SH3TC2: variants seen among roughly 807,000 people sequenced by gnomAD.
SH3TC2 encodes SH3 domain and tetratricopeptide repeats 2, also known as SH3 domain and tetratricopeptide repeat-containing protein 2.
Under a neutral mutation model 124.5 loss-of-function variants are expected in SH3TC2, and 87 were observed. The observed-to-expected ratio is 0.70, with a 90% CI of 0.59 to 0.84. SH3TC2 has a LOEUF of 0.84. SH3TC2 is among the 40% of genes least tolerant of loss of function. The pLI is 0.00. For synonymous variants in SH3TC2, 634 were observed against 628.5 expected, an observed-to-expected ratio of 1.01 and a Z score of -0.13; for missense variants, 1,536 against 1,566.4, an observed-to-expected ratio of 0.98 and a Z score of 0.33.
In SH3TC2 at chr5:149,000,143, A is replaced by G. The variant is rs1753574028; in HGVS notation, c.*4568T>C. Among the ~76,000 whole-genome samples, 1 of 152,142 alleles carries G rather than the reference A, an allele frequency of 6.6e-6. No individual in the cohort carries two copies. Among genetic ancestry groups the G allele is most frequent in the South Asian group, 2.1e-4 (1 of 4,820 alleles). The stretch of plus-strand genomic sequence containing the variant: ...TAACATCCTGTAACTAACACCAATC[A>G]CAATGCTTCTGATACTGAATCATAT... On this transcript the variant is annotated 3_prime_UTR_variant, in exon 17 of 17. Transcript: ENST00000515425.
intron 2 of SH3TC2, among the ~76,000 whole-genome samples, chr5:149,050,156 C>T (rs376427199): frequency 3.9e-5 from 6 of 152,298 alleles, no homozygotes; most frequent in African/African-American, 1.4e-4. Flanking sequence ...GCAGACTGCT[C>T]TTGAGATCTC....
intron 12 of SH3TC2, among the ~76,000 whole-genome samples, chr5:149,022,707 TA>T (rs1753995340): frequency 6.6e-6 from 1 of 152,158 alleles, no homozygotes; most frequent in South Asian, 2.1e-4. Context: ...TATTCGGCCA[TA>T]AAAAGTAATG....
chr5:149,025,423 A>G (rs958068468), intron 12 of SH3TC2, among the ~76,000 whole-genome samples: 2 of 152,202 alleles, frequency 1.3e-5, no homozygotes, highest in Non-Finnish European at 2.9e-5. Context: ...GCAAAAAAAT[A>G]TATATATAGT....
chr5:149,009,415 T>C (rs933480354), intron 14 of SH3TC2, among the ~76,000 whole-genome samples: 2 of 152,188 alleles, frequency 1.3e-5, no homozygotes, highest in Admixed American at 6.5e-5. Flanking sequence ...TTTATCATGA[T>C]AGAATTTTAG....
At chr5:149,014,272 C>A (rs1296465506) in intron 12 of SH3TC2, among the ~76,000 whole-genome samples, 1 of 152,152 alleles carries the variant, frequency 6.6e-6, no homozygotes, top group African/African-American at 2.4e-5. Context: ...AATCCAGGAA[C>A]CTGAATTCCT....
Position 149,028,193 on chromosome 5 carries a change from T to C in SH3TC2, c.1539A>G (p.Ala513=). 1 of 1,614,118 alleles carries C rather than the reference T, an allele frequency of 6.2e-7. No individual in the cohort carries two copies. Residue 513 remains alanine, a synonymous_variant, in exon 11 of 17, where the codon GCA becomes GCG. Transcript: ENST00000515425. ...GGCTCTTCTTGGCCCACTTTCTTGA[T>C]GCCTCCAGGTAGGCCACAAACTCAT... ...EEDEFVAYLE[A]SRKWAKKSHM...
At chr5:149,049,764 C>A (rs552601098) in intron 2 of SH3TC2, among the ~76,000 whole-genome samples, 1 of 150,736 alleles carries the variant, frequency 6.6e-6, no homozygotes, top group Non-Finnish European at 1.5e-5. Flanking sequence ...GCCTGGGCAA[C>A]GGAGCAAGAC....
In SH3TC2 at chr5:149,027,910, T is replaced by C. The variant is rs530865420; in HGVS notation, c.1822A>G (p.Ser608Gly). The change falls in exon 11 of 17, where the codon AGT becomes GGT. Residue 608 changes from serine to glycine, a missense_variant. Ser to Gly is a moderately conservative substitution (Grantham distance 56). Transcript: ENST00000515425. The stretch of plus-strand genomic sequence containing the variant: ...ACCACGTCGAGTTCATGCTTGGCAC[T>C]AGACTCACGGTCAGGCAGGCAGGCC... ...LLACLPDRESSAKHELDVVAY... is the reference protein window; with the variant it reads ...LLACLPDRESGAKHELDVVAY... 6 of 1,614,062 alleles carry C rather than the reference T, an allele frequency of 3.7e-6. No homozygotes were observed. The South Asian group carries it at 4.4e-5, about 12-fold the overall frequency.
In SH3TC2 at chr5:148,987,854, TG is replaced by T. The variant is rs1753358743; in HGVS notation, c.*16856del. Among the ~76,000 whole-genome samples, 1 of 147,128 alleles carries T rather than the reference TG, an allele frequency of 6.8e-6. No individual in the cohort carries two copies. The highest frequency in any genetic ancestry group is 2.1e-4 in the South Asian group (1 of 4,674). Reference sequence around the variant, plus strand: ...GTGTGTGTGTGTGTGTGTGTGTGTGTGTTCTTTAGATCATGAAACTTCTCAT... The same window carrying T: ...GTGTGTGTGTGTGTGTGTGTGTGTGTTTCTTTAGATCATGAAACTTCTCAT... On this transcript the variant is annotated 3_prime_UTR_variant, in exon 17 of 17. Transcript: ENST00000515425.
intron 1 of SH3TC2, among the ~76,000 whole-genome samples, chr5:149,060,534 C>T (rs1375766458): frequency 2.6e-5 from 4 of 152,196 alleles, no homozygotes; most frequent in African/African-American, 4.8e-5. Flanking sequence ...CTGTCCAGTG[C>T]TCAGTGCTAT....
chr5:149,043,199 G>T (rs1315304053), intron 4 of SH3TC2, among the ~76,000 whole-genome samples: 4 of 152,090 alleles, frequency 2.6e-5, no homozygotes, highest in Admixed American at 6.6e-5. Context: ...CCCCCTTAAA[G>T]TTCTCCTGAC....
Position 149,038,348 on chromosome 5 carries a change from T to C in SH3TC2, c.948A>G (p.Gly316=), listed in dbSNP as rs773281211. ...QWFIGKSTSS[G]QVGFVPTRNI... is the part of the protein sequence containing the mutation. ...TCCTGGTGGGGACAAAGCCCACTTGTCCTGAACTTGTCGACTTTCCAATGA... is the reference window on the plus strand; with the variant it reads ...TCCTGGTGGGGACAAAGCCCACTTGCCCTGAACTTGTCGACTTTCCAATGA... Residue 316 remains glycine, a synonymous_variant, in exon 8 of 17, where the codon GGA becomes GGG. Transcript: ENST00000515425. 2 of 1,614,208 alleles carry C rather than the reference T, an allele frequency of 1.2e-6. No homozygotes were observed. Among genetic ancestry groups the C allele is most frequent in the Non-Finnish European group, 1.7e-6 (2 of 1,180,030 alleles).
rs377149221 is a variant in SH3TC2 at position 149,038,371 on chromosome 5, T to C, written c.925A>G (p.Ile309Val). ...GFVIPGLQWF[I>V]GKSTSSGQVG... ...TGTCCTGAACTTGTCGACTTTCCAATGAACCACTGAAGCCCAGGTATGACA... is the reference window on the plus strand; with the variant it reads ...TGTCCTGAACTTGTCGACTTTCCAACGAACCACTGAAGCCCAGGTATGACA... Residue 309 changes from isoleucine (I) to valine (V), a missense_variant, in exon 8 of 17, where the codon ATT (isoleucine) becomes GTT (valine). Coordinates refer to ENST00000515425, the MANE Select transcript of SH3TC2 (RefSeq NM_024577.4). 1.2e-6 allele frequency: 2 copies of C among 1,614,220 alleles called. No homozygotes were observed. The highest frequency in any genetic ancestry group is 8.5e-7 in the Non-Finnish European group (1 of 1,180,026).
intron 1 of SH3TC2, chr5:149,062,310 A>C (rs746577663): frequency 1.9e-6 from 1 of 528,672 alleles, no homozygotes; most frequent in Non-Finnish European, 3.9e-6. Flanking sequence ...AAAAAGCAAG[A>C]AGGTTGCTTC....
At position 149,010,258 on chromosome 5, in the gene SH3TC2, G is replaced by A; in HGVS notation, c.3327+12C>T. The A allele has an allele frequency of 1.9e-6, 3 of 1,614,166 alleles. No individual in the cohort carries two copies. The highest frequency in any genetic ancestry group is 2.2e-5 in the South Asian group (2 of 91,076). ...AGGACCTGTCTCAGCAAACTGCACA[G>A]CTTGGACTTACTCGGTAGTACTCCA... is the stretch of plus-strand genomic sequence containing the variant. On this transcript the variant is annotated intron_variant, in intron 14 of 16. Coordinates refer to ENST00000515425, the MANE Select transcript of SH3TC2 (RefSeq NM_024577.4).
At position 148,995,602 on chromosome 5, in the gene SH3TC2, G is replaced by A. The variant is rs539015392; in HGVS notation, c.*9109C>T. Among the ~76,000 whole-genome samples, 4 of 152,284 alleles carry A rather than the reference G, an allele frequency of 2.6e-5. No homozygotes were observed. In the South Asian group the frequency reaches 8.3e-4, roughly 32 times the overall value. ...CACCTGATTTCTCAATCACTCATGAGCAATAAGTAGTTATATTATAGTTTT... is the reference window on the plus strand; with the variant it reads ...CACCTGATTTCTCAATCACTCATGAACAATAAGTAGTTATATTATAGTTTT... On this transcript the variant is annotated 3_prime_UTR_variant, in exon 17 of 17. Transcript: ENST00000515425.
At position 148,984,839 on chromosome 5, in the gene SH3TC2, A is replaced by T. The variant is rs1753308776; in HGVS notation, c.*19872T>A. On this transcript the variant is annotated 3_prime_UTR_variant, in exon 17 of 17. Coordinates refer to ENST00000515425, the MANE Select transcript of SH3TC2 (RefSeq NM_024577.4). ...CTTCACCTTGAAGGTTATGTACTCC[A>T]CTCACTTCTTTGACCTCAAATAATT... Among the ~76,000 whole-genome samples the T allele has an allele frequency of 6.6e-6, 1 of 152,102 alleles. No individual in the cohort carries two copies. The highest frequency in any genetic ancestry group is 1.5e-5 in the Non-Finnish European group (1 of 68,008).
chr5:149,020,514 C>T (rs1580895989), intron 12 of SH3TC2, among the ~76,000 whole-genome samples: 1 of 152,128 alleles, frequency 6.6e-6, no homozygotes, highest in Non-Finnish European at 1.5e-5. Flanking sequence ...GTATTAAACA[C>T]TCTAGTTAAA....
Position 149,004,556 on chromosome 5 carries a change from T to G in SH3TC2, c.*155A>C. ...CATCAAATCTTTCTGTGGCCTGCAATGAGCCCTTCTCCTCCTGGACTTCAT... is the reference window on the plus strand; with the variant it reads ...CATCAAATCTTTCTGTGGCCTGCAAGGAGCCCTTCTCCTCCTGGACTTCAT... On this transcript the variant is annotated 3_prime_UTR_variant, in exon 17 of 17. Transcript: ENST00000515425. 6 of 748,556 alleles carry G rather than the reference T, an allele frequency of 8.0e-6. No individual in the cohort carries two copies. Among genetic ancestry groups the G allele is most frequent in the Non-Finnish European group, 1.1e-5 (5 of 460,342 alleles). The allele number at this position is 748,556 out of a possible 1,614,324, so 46.4% of individuals were successfully genotyped here.
Sources: allele counts gnomAD v4.1 joint callset (sites outside exome capture counted in the v4.1 genomes callset), GRCh38; gene constraint gnomAD v4.1.1; transcripts MANE v1.5; gene names NCBI Gene and HGNC (gene_info 2026-07-23, HGNC 2026-07-21).